The following SHANK2 variants were observed in gnomAD, a reference collection of about 807,000 sequenced individuals.
The protein encoded by SHANK2 is SH3 and multiple ankyrin repeat domains protein 2.
A neutral mutation model predicts 133.7 loss-of-function variants in SHANK2; 43 were observed. That is an observed-to-expected ratio of 0.32 (90% CI 0.25 to 0.41). SHANK2 has a LOEUF of 0.41. Ranked by LOEUF, SHANK2 falls within the 10% of genes least tolerant of loss-of-function variation. The pLI, the probability that SHANK2 is intolerant of heterozygous loss-of-function variation, is 1.00. For missense variants in SHANK2, 1,994 were observed against 2,235.8 expected, an observed-to-expected ratio of 0.89 and a Z score of 2.18; for synonymous variants, 1,017 against 952.8, an observed-to-expected ratio of 1.07 and a Z score of -1.24.
intron 1 of SHANK2, among the ~76,000 whole-genome samples, chr11:71,244,623 C>T (rs950339357): frequency 5.9e-5 from 9 of 152,208 alleles, no homozygotes; most frequent in African/African-American, 1.7e-4. Context: ...GGAGCAGATA[C>T]GGGAACCCAG....
chr11:70,834,800 G>T (rs1489651699), intron 11 of SHANK2, among the ~76,000 whole-genome samples: 3 of 152,190 alleles, frequency 2.0e-5, no homozygotes, highest in Non-Finnish European at 4.4e-5. Flanking sequence ...GGGAAGCTTT[G>T]CTCCTGCAGG....
rs116192638 is a variant in SHANK2 at position 70,586,950 on chromosome 11, G to A, written c.2061+72878C>T. ...CCCACCTCACTCCTCTCCCAGAGAC[G>A]ACCTCAAACGTCACTCCGAAGATTG... is the stretch of plus-strand genomic sequence containing the variant. On this transcript the variant is annotated intron_variant, in intron 17 of 25. Coordinates refer to ENST00000601538, the MANE Select transcript of SHANK2 (RefSeq NM_012309.5). 4.4e-3 allele frequency among the ~76,000 whole-genome samples: 671 copies of A among 152,148 alleles called. 8 individuals carry two copies. Among genetic ancestry groups the A allele is most frequent in the African/African-American group, 0.015 (635 of 41,514 alleles).
intron 6 of SHANK2, among the ~76,000 whole-genome samples, chr11:71,097,801 C>T (rs781897406): frequency 3.3e-5 from 5 of 152,256 alleles, no homozygotes; most frequent in Non-Finnish European, 7.3e-5. Flanking sequence ...ACAGCTGCTG[C>T]TACCCAGCGG....
At chr11:71,073,547 GC>G (rs1951177763) in intron 9 of SHANK2, among the ~76,000 whole-genome samples, 2 of 151,554 alleles carry the variant, frequency 1.3e-5, no homozygotes, top group Admixed American at 1.3e-4. Context: ...GCTTGTTGTA[GC>G]CTTAAACCCC....
At chr11:70,742,590 C>CA (rs1946552053) in intron 14 of SHANK2, among the ~76,000 whole-genome samples, 1 of 152,310 alleles carries the variant, frequency 6.6e-6, no homozygotes, top group Non-Finnish European at 1.5e-5. Context: ...CGCCACCCCC[C>CA]ACCCGGCTCT....
At chr11:70,652,265 A>T (rs1265561159) in intron 17 of SHANK2, among the ~76,000 whole-genome samples, 2 of 151,998 alleles carry the variant, frequency 1.3e-5, no homozygotes, top group African/African-American at 4.8e-5. Context: ...AGGTACCTCT[A>T]TTAGTGATGT....
chr11:71,082,480 C>T (rs1951313710), intron 8 of SHANK2, among the ~76,000 whole-genome samples: 2 of 152,314 alleles, frequency 1.3e-5, no homozygotes, highest in South Asian at 4.2e-4. Flanking sequence ...TGGCTCCATC[C>T]CATTCTAAAT....
chr11:70,579,859 G>T (rs1341285230), intron 17 of SHANK2, among the ~76,000 whole-genome samples: 1 of 152,194 alleles, frequency 6.6e-6, no homozygotes, highest in African/African-American at 2.4e-5. Context: ...AGGTGAGGAT[G>T]GAAGCAGAAG....
intron 10 of SHANK2, among the ~76,000 whole-genome samples, chr11:70,950,332 A>G (rs1950814732): frequency 6.6e-6 from 1 of 151,764 alleles, no homozygotes; most frequent in Non-Finnish European, 1.5e-5. Context: ...GAGCACCACC[A>G]CACCCAGCCC....
At chr11:70,947,984 C>T (rs11238057) in intron 10 of SHANK2, among the ~76,000 whole-genome samples, 8,550 of 152,208 alleles carry the variant, frequency 0.056, 813 homozygotes, top group African/African-American at 0.2. Flanking sequence ...ATCCCACCCC[C>T]ACCTCTGCAG....
chr11:70,637,048 C>T (rs935336971), intron 17 of SHANK2, among the ~76,000 whole-genome samples: 6 of 150,270 alleles, frequency 4.0e-5, no homozygotes, highest in Non-Finnish European at 8.9e-5. Context: ...CTGGTGGGCA[C>T]GTATGTGGGT....
At chr11:70,819,436 G>A (rs1207398729) in intron 12 of SHANK2, among the ~76,000 whole-genome samples, 5 of 152,228 alleles carry the variant, frequency 3.3e-5, no homozygotes, top group South Asian at 2.1e-4. Flanking sequence ...CTAGCACCTG[G>A]GGCCCCGACA....
chr11:70,709,464 G>A (rs528455675), intron 14 of SHANK2, among the ~76,000 whole-genome samples: 1 of 152,354 alleles, frequency 6.6e-6, no homozygotes, highest in African/African-American at 2.4e-5. Flanking sequence ...GTTGAGGTCA[G>A]GTCTGACCTG....
intron 14 of SHANK2, among the ~76,000 whole-genome samples, chr11:70,790,910 C>T (rs572883142): frequency 1.4e-4 from 21 of 152,290 alleles, no homozygotes; most frequent in Admixed American, 8.5e-4. Context: ...TCTCTCTCCC[C>T]GTCTCTGCAG....
At chr11:70,732,695 C>T (rs1454466362) in intron 14 of SHANK2, among the ~76,000 whole-genome samples, 13 of 152,218 alleles carry the variant, frequency 8.5e-5, no homozygotes, top group East Asian at 1.9e-4. Flanking sequence ...CCCATGCCCA[C>T]GCAGCCCATG....
chr11:71,085,868 ATTATATATTTATATAACCTTAAT>A (rs1590894986), intron 8 of SHANK2, among the ~76,000 whole-genome samples: 287 of 924 alleles, frequency 0.31, 27 homozygotes, highest in South Asian at 0.4. Flanking sequence ...ATTTTAATAT[ATTATATATTTATATAACCTTAAT>A]ATATATATTA....
intron 14 of SHANK2, among the ~76,000 whole-genome samples, chr11:70,744,564 C>T (rs1946599415): frequency 6.6e-6 from 1 of 152,210 alleles, no homozygotes. Context: ...TTCCAAGTCC[C>T]TCTAGGGCAG....
At chr11:70,826,377 G>A (rs368899192) in intron 11 of SHANK2, 6 of 453,704 alleles carry the variant, frequency 1.3e-5, no homozygotes, top group African/African-American at 1.0e-4. Flanking sequence ...AATTTTAGGA[G>A]GAACTGGAGT....
intron 11 of SHANK2, among the ~76,000 whole-genome samples, chr11:70,832,967 C>A (rs1326521042): frequency 6.6e-6 from 1 of 152,246 alleles, no homozygotes; most frequent in African/African-American, 2.4e-5. Flanking sequence ...CCTCAGCATC[C>A]TCACTGCATC....
Sources: allele counts gnomAD v4.1 joint callset (sites outside exome capture counted in the v4.1 genomes callset), GRCh38; gene constraint gnomAD v4.1.1; transcripts MANE v1.5; gene names NCBI Gene and HGNC (gene_info 2026-07-23, HGNC 2026-07-21).